RNF8: variants seen among roughly 807,000 people sequenced by gnomAD.
RNF8 encodes the protein ring finger protein 8.
Under a neutral mutation model 59.3 loss-of-function variants are expected in RNF8, and 8 were observed. That is an observed-to-expected ratio of 0.13 (90% CI 0.08 to 0.24). The LOEUF (loss-of-function observed/expected upper bound fraction) is 0.24. Ranked by LOEUF, RNF8 falls within the 10% of genes least tolerant of loss-of-function variation. The probability of loss-of-function intolerance (pLI) is 1.00; values close to 1 mark genes in which losing one functional copy is unlikely to be tolerated. For synonymous variants in RNF8, 162 were observed against 200.0 expected, an observed-to-expected ratio of 0.81 and a Z score of 1.60; for missense variants, 406 against 572.6, an observed-to-expected ratio of 0.71 and a Z score of 2.97.
chr6:37,368,358 C>A, intron 2 of RNF8, 126 bp from the exon 3 acceptor site: 1 of 1,600,816 alleles, frequency 6.2e-7, no homozygotes. Context: ...ATGAATCTTT[C>A]TTTTCTATTT....
At chr6:37,384,506 G>A (rs1770415145) in intron 7 of RNF8, among the ~76,000 whole-genome samples, 1 of 152,198 alleles carries the variant, frequency 6.6e-6, no homozygotes, top group Non-Finnish European at 1.5e-5. Context: ...CACGTGTGCT[G>A]AGGTGGGGAG....
chr6:37,368,182 T>C (rs548182414), intron 2 of RNF8, among the ~76,000 whole-genome samples: 1 of 152,352 alleles, frequency 6.6e-6, no homozygotes, highest in Admixed American at 6.5e-5. Flanking sequence ...AGCTATCCAA[T>C]TTCAGTTTCC....
chr6:37,389,962 A>T (rs1490855797), intron 7 of RNF8, among the ~76,000 whole-genome samples: 1 of 152,242 alleles, frequency 6.6e-6, no homozygotes, highest in Non-Finnish European at 1.5e-5. Flanking sequence ...TCTCAGAGAA[A>T]GGGGACAATT....
intron 2 of RNF8, among the ~76,000 whole-genome samples, chr6:37,365,897 A>G (rs1353313223): frequency 1.3e-5 from 2 of 152,206 alleles, no homozygotes; most frequent in African/African-American, 4.8e-5. Context: ...TAGTCTCCTT[A>G]TATGAACAGA....
At chr6:37,369,329 C>A in intron 3 of RNF8, 111 bp downstream of exon 3, 2 of 1,283,362 alleles carry the variant, frequency 1.6e-6, no homozygotes, top group African/African-American at 1.5e-5. Flanking sequence ...TTCTGAGCAC[C>A]AAAGACAGGA....
intron 6 of RNF8, among the ~76,000 whole-genome samples, chr6:37,377,310 C>T (rs1770064529): frequency 6.6e-6 from 1 of 152,096 alleles, no homozygotes; most frequent in East Asian, 1.9e-4. Context: ...CTCCTGACCT[C>T]AGGTGATCTG....
At chr6:37,384,173 C>T (rs983318733) in intron 7 of RNF8, among the ~76,000 whole-genome samples, 1 of 139,830 alleles carries the variant, frequency 7.2e-6, no homozygotes, top group Non-Finnish European at 1.5e-5. Flanking sequence ...TGCTTTGTTG[C>T]CCAGGCTGAA....
At chr6:37,355,838 C>T (rs1202740980) in intron 1 of RNF8, among the ~76,000 whole-genome samples, 2 of 152,148 alleles carry the variant, frequency 1.3e-5, no homozygotes, top group Non-Finnish European at 2.9e-5. Flanking sequence ...GGAAGTTTAA[C>T]AAATTAAAAC....
At chr6:37,367,207 A>G (rs911294890) in intron 2 of RNF8, among the ~76,000 whole-genome samples, 2 of 152,122 alleles carry the variant, frequency 1.3e-5, no homozygotes, top group African/African-American at 4.8e-5. Flanking sequence ...CCACACAGAC[A>G]CCATGAGGGA....
At chr6:37,354,854 T>A (rs1227490048) in intron 1 of RNF8, among the ~76,000 whole-genome samples, 12 of 152,356 alleles carry the variant, frequency 7.9e-5, no homozygotes. Context: ...TTCTCGAGTT[T>A]GTTTTGAAAA....
chr6:37,380,795 G>A (rs1443275241), intron 6 of RNF8, among the ~76,000 whole-genome samples: 1 of 151,488 alleles, frequency 6.6e-6, no homozygotes, highest in Non-Finnish European at 1.5e-5. Context: ...CAATTCTCGT[G>A]CCTCAGCCAC....
At chr6:37,363,607 G>A (rs1769414952) in intron 2 of RNF8, among the ~76,000 whole-genome samples, 1 of 152,206 alleles carries the variant, frequency 6.6e-6, no homozygotes, top group Admixed American at 6.5e-5. Flanking sequence ...GAAGACTAGT[G>A]ATGCCAGGTA....
chr6:37,368,968 C>T lies in RNF8; in HGVS notation c.725C>T (p.Ser242Phe), dbSNP rs1769686248. The T allele has an allele frequency of 5.0e-6, 8 of 1,614,198 alleles. No individual in the cohort carries two copies. Among genetic ancestry groups the T allele is most frequent in the Non-Finnish European group, 6.8e-6 (8 of 1,180,042 alleles). The change falls in exon 3 of 8, where the codon TCT becomes TTT. Residue 242 changes from serine to phenylalanine, a missense_variant. Ser to Phe is a radical substitution (Grantham distance 155). This residue lies in a region of RNF8 where 285 missense variants were observed against 342.0 expected (regional missense o/e 0.83). Transcript: ENST00000373479. ...CAGAAAGCCTCAAACTCTTCAGCAT[C>T]TCAGAGAAGCTTACAGATGTTTAAG... Reference protein sequence around the residue: ...HEQKASNSSASQRSLQMFKVT... With the variant: ...HEQKASNSSAFQRSLQMFKVT...
intron 6 of RNF8, among the ~76,000 whole-genome samples, chr6:37,379,162 C>T (rs1432121729): frequency 1.3e-5 from 2 of 151,984 alleles, no homozygotes; most frequent in African/African-American, 4.8e-5. Context: ...TACAGGCACC[C>T]GCCACCACAC....
intron 1 of RNF8, chr6:37,359,092 T>C (rs1263225504): frequency 1.0e-5 from 4 of 398,306 alleles, no homozygotes; most frequent in Non-Finnish European, 2.0e-5. Flanking sequence ...CAAGACTCTC[T>C]CAAAAAAACA....
chr6:37,394,708 G>A lies in RNF8; in HGVS notation c.*3950G>A, dbSNP rs980801593. 6.6e-6 allele frequency: 1 copy of A among 152,154 alleles called. No homozygotes were observed. The highest frequency in any genetic ancestry group is 2.4e-5 in the African/African-American group (1 of 41,414). 9.4% of individuals were successfully genotyped at this position (152,154 alleles called of 1,614,324 possible). A position where few individuals can be genotyped will look rare whatever the true frequency, so the allele number is the denominator to read the frequency against. ...ATTTGGGGCCGTTTGTACTCTGCAT[G>A]TATTCAATAAATTCAATTCAGCAAT... On this transcript the variant is annotated 3_prime_UTR_variant, in exon 8 of 8. Transcript: ENST00000373479.
chr6:37,383,088 A>G (rs1418781955), intron 7 of RNF8, among the ~76,000 whole-genome samples: 1 of 152,134 alleles, frequency 6.6e-6, no homozygotes, highest in Non-Finnish European at 1.5e-5. Flanking sequence ...TTTTCTCTCC[A>G]AAGGCTAAAG....
chr6:37,380,419 C>T (rs1398245576), intron 6 of RNF8, among the ~76,000 whole-genome samples: 1 of 152,030 alleles, frequency 6.6e-6, no homozygotes, highest in African/African-American at 2.4e-5. Context: ...ACTTGTAATC[C>T]CAGCACTTTG....
chr6:37,376,975 T>G lies in RNF8; in HGVS notation c.1178T>G (p.Met393Arg). 6.2e-7 allele frequency: 1 copy of G among 1,612,292 alleles called. No individual in the cohort carries two copies. Among genetic ancestry groups the G allele is most frequent in the Non-Finnish European group, 8.5e-7 (1 of 1,179,358 alleles). ...QAQKEEVLSH[M>R]NDVLENELQC... The stretch of plus-strand genomic sequence containing the variant: ...CAGAAGGAAGAAGTTCTTAGCCACA[T>G]GAATGATGTGCTAGAGAATGAGCTC... The change falls in exon 6 of 8, where the codon ATG (methionine) becomes AGG (arginine). Residue 393 changes from methionine to arginine, a missense_variant. Physicochemically the swap from Met to Arg is moderately conservative, Grantham distance 91 (BLOSUM62 -1). This residue lies in a region of RNF8 where 59 missense variants were observed against 118.5 expected (regional missense o/e 0.50). Coordinates refer to ENST00000373479, the MANE Select transcript of RNF8 (RefSeq NM_003958.4).
Sources: allele counts gnomAD v4.1 joint callset (sites outside exome capture counted in the v4.1 genomes callset), GRCh38; gene constraint gnomAD v4.1.1; regional missense constraint gnomAD v4.1.1; transcripts MANE v1.5; gene names NCBI Gene and HGNC (gene_info 2026-07-23, HGNC 2026-07-21).